Variants in PSD2 observed in about 807,000 individuals in gnomAD.
PSD2 encodes PH and SEC7 domain-containing protein 2.
In PSD2, 38 loss-of-function variants were observed where a neutral mutation model predicts 69.8. The ratio of observed to expected loss-of-function variants is 0.54; its 90% CI spans 0.42 to 0.71. The LOEUF is 0.71. PSD2 is among the 30% of genes least tolerant of loss of function. The pLI, the probability that PSD2 is intolerant of heterozygous loss-of-function variation, is 0.00. For synonymous variants in PSD2, 412 were observed against 423.0 expected (o/e 0.97, Z 0.32); for missense variants, 943 against 1,014.5 (o/e 0.93, Z 0.96).
At chr5:139,813,830 GT>G in intron 3 of PSD2, 72 bp downstream of exon 3, 2 of 1,347,996 alleles carry the variant, frequency 1.5e-6, no homozygotes, top group Non-Finnish European at 2.0e-6. Flanking sequence ...GGCAAAGCAG[GT>G]TAGGGTGACT....
chr5:139,793,810 G>T (rs1759461189), upstream of PSD2, among the ~76,000 whole-genome samples: 1 of 152,206 alleles, frequency 6.6e-6, no homozygotes, highest in South Asian at 2.1e-4. Context: ...GCCAGGTCTT[G>T]AGCACATCAG....
At chr5:139,757,865 C>G in the PSD2 span, among the ~76,000 whole-genome samples, 1 of 152,078 alleles carries the variant, frequency 6.6e-6, no homozygotes, top group African/African-American at 2.4e-5. Context: ...CCCTCAGCAG[C>G]CCCTGGTGTC....
the PSD2 span, among the ~76,000 whole-genome samples, chr5:139,774,786 G>A: frequency 1.3e-4 from 20 of 152,186 alleles, no homozygotes; most frequent in Non-Finnish European, 7.4e-5. Context: ...CACTGCGCCC[G>A]GCCCCGGGAA....
chr5:139,788,417 C>G, the PSD2 span, among the ~76,000 whole-genome samples: 20 of 152,038 alleles, frequency 1.3e-4, no homozygotes, highest in Non-Finnish European at 2.5e-4. Context: ...GCGCCCCGCT[C>G]CCTGGGCCTC....
At chr5:139,779,479 C>T in the PSD2 span, among the ~76,000 whole-genome samples, 3 of 152,184 alleles carry the variant, frequency 2.0e-5, no homozygotes, top group Admixed American at 6.5e-5. Context: ...TATCAGTACA[C>T]TTTGACCCCC....
the PSD2 span, among the ~76,000 whole-genome samples, chr5:139,742,844 C>G: frequency 2.6e-5 from 4 of 152,198 alleles, no homozygotes; most frequent in Admixed American, 1.3e-4. Context: ...CAAGAGAATA[C>G]AGTGATCTGA....
chr5:139,828,508 A>C (rs1313224635), intron 7 of PSD2, among the ~76,000 whole-genome samples: 2 of 152,226 alleles, frequency 1.3e-5, no homozygotes, highest in Admixed American at 6.5e-5. Context: ...GCCCATTCTC[A>C]GATGGTGACA....
the PSD2 span, among the ~76,000 whole-genome samples, chr5:139,754,560 G>A: frequency 6.6e-6 from 1 of 152,140 alleles, no homozygotes; most frequent in African/African-American, 2.4e-5. Flanking sequence ...GCTGGGGCGT[G>A]GTGGTGCGTG....
the PSD2 span, among the ~76,000 whole-genome samples, chr5:139,782,925 C>T: frequency 4.6e-5 from 7 of 152,186 alleles, no homozygotes; most frequent in Non-Finnish European, 5.9e-5. Context: ...GTCATATAAT[C>T]ATCACTAGTA....
chr5:139,748,273 C>G, the PSD2 span, among the ~76,000 whole-genome samples: 43 of 152,100 alleles, frequency 2.8e-4, no homozygotes, highest in African/African-American at 9.9e-4. Context: ...CCATGATCAC[C>G]TCAGACAGCT....
At chr5:139,831,865 T>C (rs1274303627) in intron 7 of PSD2, among the ~76,000 whole-genome samples, 2 of 152,230 alleles carry the variant, frequency 1.3e-5, no homozygotes, top group Non-Finnish European at 2.9e-5. Context: ...TTTCAACTTT[T>C]ATGTTGAAGT....
chr5:139,763,132 G>A, the PSD2 span, among the ~76,000 whole-genome samples: 1 of 152,082 alleles, frequency 6.6e-6, no homozygotes, highest in Non-Finnish European at 1.5e-5. Context: ...TGCTGGGCGG[G>A]CCCAGGGAGG....
the PSD2 span, among the ~76,000 whole-genome samples, chr5:139,762,327 A>G: frequency 6.6e-6 from 1 of 151,486 alleles, no homozygotes; most frequent in African/African-American, 2.4e-5. Flanking sequence ...ACAGGCATGA[A>G]CCACCACGCC....
the PSD2 span, among the ~76,000 whole-genome samples, chr5:139,757,161 TC>T: frequency 6.6e-6 from 1 of 152,128 alleles, no homozygotes; most frequent in Non-Finnish European, 1.5e-5. Flanking sequence ...CTCCCACCCC[TC>T]CTGGGCTCTG....
the PSD2 span, among the ~76,000 whole-genome samples, chr5:139,787,663 G>A: frequency 2.0e-5 from 3 of 152,232 alleles, no homozygotes; most frequent in Non-Finnish European, 2.9e-5. Context: ...AGCCCCCGTC[G>A]CTGGCCTTCC....
chr5:139,813,084 G>A (rs895426036), intron 2 of PSD2, among the ~76,000 whole-genome samples: 1 of 152,206 alleles, frequency 6.6e-6, no homozygotes, highest in African/African-American at 2.4e-5. Flanking sequence ...AGATGGCGAG[G>A]CTGGGGGCCC....
At chr5:139,751,966 A>T in the PSD2 span, among the ~76,000 whole-genome samples, 2 of 151,544 alleles carry the variant, frequency 1.3e-5, no homozygotes, top group African/African-American at 2.4e-5. Flanking sequence ...CTAATGTTAA[A>T]TTTTTTTGTA....
the PSD2 span, among the ~76,000 whole-genome samples, chr5:139,785,083 A>C: frequency 4.0e-5 from 6 of 151,592 alleles, no homozygotes; most frequent in Admixed American, 2.6e-4. Flanking sequence ...CTTTTGTTCA[A>C]CTTCATCCTT....
rs752774322 is a variant in PSD2, at chr5:139,835,775, T to A, written c.1403+9T>A. The A allele has an allele frequency of 6.2e-7, 1 of 1,613,632 alleles. No individual in the cohort carries two copies. The highest frequency in any genetic ancestry group is 1.3e-5 in the African/African-American group (1 of 74,872). The stretch of plus-strand genomic sequence containing the variant: ...AAGCTGGAATGGGCCATGTGAGTAG[T>A]GACGATGGGCACAGGTATGGGGAGC... On this transcript the variant is annotated intron_variant, in intron 9 of 14. Coordinates refer to ENST00000274710, the MANE Select transcript of PSD2 (RefSeq NM_032289.4).
Sources: gnomAD v4.1 joint callset for allele counts (sites outside exome capture counted in the v4.1 genomes callset) on GRCh38, gnomAD v4.1.1 for gene constraint, MANE v1.5 for transcripts, NCBI Gene and HGNC (gene_info 2026-07-23, HGNC 2026-07-21) for gene names.